The following GPC3 variants were observed in gnomAD, a reference collection of about 807,000 sequenced individuals.
GPC3 encodes glypican 3, also known as glypican-3.
Under a neutral mutation model 34.4 loss-of-function variants are expected in GPC3, and 3 were observed. That is an observed-to-expected ratio of 0.09 (90% CI 0.04 to 0.23). GPC3 has a LOEUF of 0.23. Ranked by LOEUF, GPC3 falls within the 10% of genes least tolerant of loss-of-function variation. The pLI is 1.00. For missense variants in GPC3, 351 were observed against 445.6 expected, an observed-to-expected ratio of 0.79 and a Z score of 1.91; for synonymous variants, 177 against 174.0, an observed-to-expected ratio of 1.02 and a Z score of -0.13.
intron 7 of GPC3, among the ~76,000 whole-genome samples, chrX:133,550,965 G>A (rs906527576): frequency 1.2e-4 from 13 of 112,483 alleles, no homozygotes; most frequent in Non-Finnish European, 2.3e-4. Flanking sequence ...CCTGGAACTT[G>A]ATGCTTTGCT....
Position 133,864,210 on chromosome X carries a change from C to T in GPC3, c.337+88840G>A, listed in dbSNP as rs745502526. 4.5e-5 allele frequency among the ~76,000 whole-genome samples: 5 copies of T among 110,685 alleles called. No individual in the cohort carries two copies. The South Asian group carries it at 1.2e-3, about 26-fold the overall frequency. On this transcript the variant is annotated intron_variant, in intron 2 of 7. Coordinates refer to ENST00000370818, the MANE Select transcript of GPC3 (RefSeq NM_004484.4). ...GATAATATTTTAAAGGCATAGGATA[C>T]TGAGCACCTTGGGAGGAGGAAGAAG...
chrX:133,669,534 G>A (rs1365326283), intron 5 of GPC3, among the ~76,000 whole-genome samples: 1 of 112,302 alleles, frequency 8.9e-6, no homozygotes, highest in African/African-American at 3.2e-5. Context: ...GGCCTTGAAT[G>A]AGGATGAGCC....
chrX:133,725,112 G>A (rs773699371), intron 3 of GPC3, among the ~76,000 whole-genome samples: 1 of 111,316 alleles, frequency 9.0e-6, no homozygotes, highest in African/African-American at 3.3e-5. Context: ...CTTTTATGAT[G>A]CCCAGAATAT....
At chrX:133,746,575 T>C (rs2071614779) in intron 3 of GPC3, among the ~76,000 whole-genome samples, 1 of 112,493 alleles carries the variant, frequency 8.9e-6, no homozygotes. Context: ...TAAAACTACG[T>C]ATTTTCTCCA....
chrX:133,894,405 A>C (rs1031763868), intron 2 of GPC3, among the ~76,000 whole-genome samples: 6 of 112,029 alleles, frequency 5.4e-5, no homozygotes, highest in Admixed American at 1.9e-4. Context: ...TAACTCTGAT[A>C]ATGCTTATCC....
intron 7 of GPC3, among the ~76,000 whole-genome samples, chrX:133,542,392 G>A (rs1277514645): frequency 9.0e-6 from 1 of 110,866 alleles, no homozygotes; most frequent in Non-Finnish European, 1.9e-5. Context: ...CAAGCCTTTG[G>A]GCCCTTACAA....
chrX:133,721,032 T>C (rs1441339085), intron 3 of GPC3, among the ~76,000 whole-genome samples: 1 of 109,166 alleles, frequency 9.2e-6, no homozygotes, highest in African/African-American at 3.3e-5. Flanking sequence ...CAAAAACTAT[T>C]GAAATAAAAA....
intron 1 of GPC3, among the ~76,000 whole-genome samples, chrX:133,972,364 A>T (rs1238219625): frequency 8.9e-6 from 1 of 112,086 alleles, no homozygotes; most frequent in African/African-American, 3.2e-5. Context: ...ACTTCTGGAG[A>T]TGGCCAAGTA....
chrX:133,714,811 G>A (rs1030362594), intron 3 of GPC3, among the ~76,000 whole-genome samples: 4 of 111,527 alleles, frequency 3.6e-5, no homozygotes, highest in African/African-American at 1.3e-4. Context: ...ATGTCAGTAG[G>A]AACAGTGAGC....
chrX:133,910,796 C>T (rs750464609), intron 2 of GPC3, among the ~76,000 whole-genome samples: 1 of 111,968 alleles, frequency 8.9e-6, no homozygotes, highest in Admixed American at 9.5e-5. Flanking sequence ...CATAGAACAT[C>T]ACATGTAACC....
In GPC3 at chrX:133,975,728, G is replaced by A. The variant is rs370639601; in HGVS notation, c.175+9547C>T. The stretch of plus-strand genomic sequence containing the variant: ...TAGCTCAGTACCTGGCATAGTATCA[G>A]TGCTCAATAAATGTTGGTTGAAGTA... On this transcript the variant is annotated intron_variant, in intron 1 of 7. Transcript: ENST00000370818. Among the ~76,000 whole-genome samples the A allele has an allele frequency of 1.6e-4, 18 of 112,331 alleles. No individual in the cohort carries two copies. The East Asian group carries it at 4.7e-3, about 30-fold the overall frequency.
intron 7 of GPC3, among the ~76,000 whole-genome samples, chrX:133,576,527 G>T (rs1378379131): frequency 9.0e-6 from 1 of 111,099 alleles, no homozygotes; most frequent in Non-Finnish European, 1.9e-5. Flanking sequence ...GGCATGAGCT[G>T]CTGTGCCCAG....
chrX:133,660,189 C>T (rs780730880), intron 6 of GPC3, among the ~76,000 whole-genome samples: 1 of 112,158 alleles, frequency 8.9e-6, no homozygotes, highest in Non-Finnish European at 1.9e-5. Context: ...ATATACTACT[C>T]TTAGAAAGCC....
At chrX:133,912,224 AG>A (rs780264332) in intron 2 of GPC3, among the ~76,000 whole-genome samples, 39 of 112,237 alleles carry the variant, frequency 3.5e-4, no homozygotes, top group African/African-American at 1.2e-3. Flanking sequence ...TCTACACAGG[AG>A]GGGTGGGATT....
At chrX:133,669,306 G>A (rs190545134) in intron 5 of GPC3, among the ~76,000 whole-genome samples, 79 of 112,377 alleles carry the variant, frequency 7.0e-4, no homozygotes, top group Non-Finnish European at 1.3e-3. Context: ...GCATAACAAT[G>A]TCTTAGTGCA....
rs766048640 is a variant in GPC3, at chrX:133,676,128, G to A, written c.1293-14278C>T. Among the ~76,000 whole-genome samples, 7 of 112,247 alleles carry A rather than the reference G, an allele frequency of 6.2e-5. No homozygotes were observed. In the East Asian group the frequency reaches 2.0e-3, roughly 31 times the overall value. The stretch of plus-strand genomic sequence containing the variant: ...CACAAAATCCAGAGTGCTGGTGCAG[G>A]GGGGCTGCCGTGGTTGCTGGAAGGG... On this transcript the variant is annotated intron_variant, in intron 5 of 7. Coordinates refer to ENST00000370818, the MANE Select transcript of GPC3 (RefSeq NM_004484.4).
At chrX:133,912,356 T>C (rs2076204312) in intron 2 of GPC3, among the ~76,000 whole-genome samples, 1 of 112,103 alleles carries the variant, frequency 8.9e-6, no homozygotes, top group Non-Finnish European at 1.9e-5. Flanking sequence ...AGAATTATGC[T>C]TAACCCTAGG....
chrX:133,562,881 C>T (rs1472700036), intron 7 of GPC3, among the ~76,000 whole-genome samples: 1 of 44,492 alleles, frequency 2.2e-5, no homozygotes, highest in Non-Finnish European at 4.0e-5. Context: ...GCCATGTGAC[C>T]ACAGTCCTTC....
intron 2 of GPC3, among the ~76,000 whole-genome samples, chrX:133,778,175 A>T (rs2072007597): frequency 8.9e-6 from 1 of 111,903 alleles, no homozygotes; most frequent in African/African-American, 3.3e-5. Context: ...ATGGGTCAAA[A>T]GCAGGAGAGA....
Sources: gnomAD v4.1 joint callset for allele counts (sites outside exome capture counted in the v4.1 genomes callset) on GRCh38, gnomAD v4.1.1 for gene constraint, MANE v1.5 for transcripts, NCBI Gene and HGNC (gene_info 2026-07-23, HGNC 2026-07-21) for gene names.